HTR1F: variants seen among roughly 807,000 people sequenced by gnomAD.
The protein encoded by HTR1F is 5-hydroxytryptamine (serotonin) receptor 1F, G protein-coupled.
A neutral mutation model predicts 24.0 loss-of-function variants in HTR1F; 17 were observed. The ratio of observed to expected loss-of-function variants is 0.71; its 90% CI spans 0.48 to 1.06. The LOEUF is 1.06. Ranked by LOEUF, HTR1F falls within the 50% of genes least tolerant of loss-of-function variation. HTR1F has a pLI of 0.00. For missense variants in HTR1F, 391 were observed against 427.8 expected, an observed-to-expected ratio of 0.91 and a Z score of 0.76; for synonymous variants, 186 against 156.8, an observed-to-expected ratio of 1.19 and a Z score of -1.39.
intron 2 of HTR1F, among the ~76,000 whole-genome samples, chr3:87,979,673 C>A (rs1705499013): frequency 1.3e-5 from 2 of 152,206 alleles, no homozygotes; most frequent in South Asian, 4.1e-4. Context: ...GCCCACTCAG[C>A]CTGGCAGGCT....
At chr3:87,985,587 A>G (rs1379933454) in intron 2 of HTR1F, among the ~76,000 whole-genome samples, 1 of 152,252 alleles carries the variant, frequency 6.6e-6, no homozygotes, top group African/African-American at 2.4e-5. Context: ...ATGTTAATGC[A>G]TGGAAAGCAC....
At position 87,990,806 on chromosome 3, in the gene HTR1F, A is replaced by C; in HGVS notation, c.57A>C (p.Arg19Ser). The change falls in exon 3 of 3, where the codon AGA (arginine) becomes AGC (serine). Residue 19 changes from arginine to serine, a missense_variant. Physicochemically the swap from Arg to Ser is moderately radical, Grantham distance 110. Transcript: ENST00000319595. The stretch of plus-strand genomic sequence containing the variant: ...TGACCTCAGAGGAACTGTTAAACAG[A>C]ATGCCATCCAAAATTCTGGTGTCCC... ...QNLTSEELLN[R>S]MPSKILVSLT... is the part of the protein sequence containing the mutation. The C allele has an allele frequency of 6.2e-7, 1 of 1,613,900 alleles. No homozygotes were observed. Among genetic ancestry groups the C allele is most frequent in the Non-Finnish European group, 8.5e-7 (1 of 1,179,764 alleles).
chr3:87,819,984 A>G (rs1350701451), intron 1 of HTR1F, among the ~76,000 whole-genome samples: 1 of 152,144 alleles, frequency 6.6e-6, no homozygotes, highest in African/African-American at 2.4e-5. Context: ...GTTAATTCTT[A>G]ATTTTAATAT....
At chr3:87,936,703 T>C (rs1346497519) in intron 2 of HTR1F, among the ~76,000 whole-genome samples, 2 of 152,092 alleles carry the variant, frequency 1.3e-5, no homozygotes. Flanking sequence ...ATACATTAAA[T>C]CACGGAGCAT....
At position 87,992,118 on chromosome 3, in the gene HTR1F, AAT is replaced by A. The variant is rs199952254; in HGVS notation, c.*280_*281del. On this transcript the variant is annotated 3_prime_UTR_variant, in exon 3 of 3. Transcript: ENST00000319595. ...TGTTCCTAAAAAGCTAACTGGAAAAAATATATATATATACAATAGTAATGACA... is the reference window on the plus strand; with the variant it reads ...TGTTCCTAAAAAGCTAACTGGAAAAAATATATATATACAATAGTAATGACA... 8.6e-4 allele frequency: 189 copies of A among 220,732 alleles called. No homozygotes were observed. The highest frequency in any genetic ancestry group is 1.9e-3 in the East Asian group (17 of 8,730). 13.7% of individuals were successfully genotyped at this position (220,732 alleles called of 1,614,324 possible). A position where few individuals can be genotyped will look rare whatever the true frequency, so the allele number is the denominator to read the frequency against.
At chr3:87,939,179 T>A (rs1424350829) in intron 2 of HTR1F, among the ~76,000 whole-genome samples, 2 of 152,210 alleles carry the variant, frequency 1.3e-5, no homozygotes, top group Non-Finnish European at 2.9e-5. Flanking sequence ...TTACATTTAT[T>A]GGTTTGTGTA....
At chr3:87,943,123 CTG>C (rs1476994489) in intron 2 of HTR1F, among the ~76,000 whole-genome samples, 4 of 152,320 alleles carry the variant, frequency 2.6e-5, no homozygotes, top group African/African-American at 9.6e-5. Flanking sequence ...TGTTCTGATT[CTG>C]TGTCTCAGTG....
In HTR1F at chr3:87,965,731, G is replaced by C. The variant is rs187093544; in HGVS notation, c.-42-24977G>C. Among the ~76,000 whole-genome samples, 47 of 152,204 alleles carry C rather than the reference G, an allele frequency of 3.1e-4. No homozygotes were observed. The East Asian group carries it at 5.8e-3, about 19-fold the overall frequency. On this transcript the variant is annotated intron_variant, in intron 2 of 2. Transcript: ENST00000319595. ...AAATGCCTGAGATTATATCCACAAA[G>C]CACTAATTTTAGATAGCTTACACAA...
chr3:87,835,640 G>A (rs1262560042), intron 2 of HTR1F, among the ~76,000 whole-genome samples: 1 of 152,112 alleles, frequency 6.6e-6, no homozygotes, highest in Non-Finnish European at 1.5e-5. Context: ...CTTCCTTCTG[G>A]TATTAAATCA....
intron 2 of HTR1F, among the ~76,000 whole-genome samples, chr3:87,889,911 T>A (rs1168218774): frequency 3.3e-5 from 5 of 152,352 alleles, no homozygotes; most frequent in Non-Finnish European, 7.3e-5. Flanking sequence ...AAACATAATT[T>A]GGATTTTAAG....
chr3:87,796,911 T>G (rs919498767), intron 1 of HTR1F, among the ~76,000 whole-genome samples: 11 of 152,174 alleles, frequency 7.2e-5, no homozygotes, highest in Non-Finnish European at 1.6e-4. Flanking sequence ...CTCTTTGCAG[T>G]TTTGTACATA....
At chr3:87,924,109 A>C (rs1285285336) in intron 2 of HTR1F, among the ~76,000 whole-genome samples, 2 of 152,200 alleles carry the variant, frequency 1.3e-5, no homozygotes, top group East Asian at 3.9e-4. Context: ...TTCAGCAATA[A>C]AGCCATTTGG....
chr3:87,874,017 T>C (rs1705615738), intron 2 of HTR1F, among the ~76,000 whole-genome samples: 1 of 152,120 alleles, frequency 6.6e-6, no homozygotes, highest in African/African-American at 2.4e-5. Context: ...ACAGCTAACA[T>C]CATACTCATT....
chr3:87,795,985 G>A (rs549082340), intron 1 of HTR1F, among the ~76,000 whole-genome samples: 3 of 152,214 alleles, frequency 2.0e-5, no homozygotes, highest in South Asian at 2.1e-4. Context: ...TACAGAGCTC[G>A]TATTTTCTTC....
intron 2 of HTR1F, among the ~76,000 whole-genome samples, chr3:87,881,450 A>C (rs1451688699): frequency 6.6e-6 from 1 of 152,142 alleles, no homozygotes; most frequent in Non-Finnish European, 1.5e-5. Flanking sequence ...GGCAGAGCCC[A>C]CTGCAGCTCA....
intron 2 of HTR1F, among the ~76,000 whole-genome samples, chr3:87,833,007 G>T (rs972448539): frequency 3.9e-5 from 6 of 152,030 alleles, no homozygotes; most frequent in African/African-American, 1.5e-4. Context: ...GTTCTTTAAG[G>T]TCTGAGGGTC....
At chr3:87,960,294 C>T (rs936760157) in intron 2 of HTR1F, among the ~76,000 whole-genome samples, 18 of 151,854 alleles carry the variant, frequency 1.2e-4, no homozygotes, top group African/African-American at 4.4e-4. Flanking sequence ...TGGAAAACAT[C>T]CTAAATAAAT....
intron 2 of HTR1F, among the ~76,000 whole-genome samples, chr3:87,882,727 G>C (rs1457583767): frequency 1.7e-5 from 2 of 117,160 alleles, no homozygotes; most frequent in Non-Finnish European, 3.4e-5. Flanking sequence ...AGGGGGGAGG[G>C]ATAGCACTGG....
chr3:87,865,189 T>C (rs1483882944), intron 2 of HTR1F, among the ~76,000 whole-genome samples: 1 of 152,192 alleles, frequency 6.6e-6, no homozygotes, highest in Non-Finnish European at 1.5e-5. Context: ...CAAATTCCAA[T>C]AGAACAATGT....
Sources: gnomAD v4.1 joint callset for allele counts (sites outside exome capture counted in the v4.1 genomes callset) on GRCh38, gnomAD v4.1.1 for gene constraint, MANE v1.5 for transcripts, NCBI Gene and HGNC (gene_info 2026-07-23, HGNC 2026-07-21) for gene names.